Variants in PLEKHA4 observed in about 807,000 individuals in gnomAD.
PLEKHA4 encodes the protein pleckstrin homology domain-containing family A member 4.
In PLEKHA4, 73 loss-of-function variants were observed where a neutral mutation model predicts 94.7. The ratio of observed to expected loss-of-function variants is 0.77; its 90% CI spans 0.64 to 0.94. The LOEUF is 0.94. PLEKHA4 is among the 40% of genes least tolerant of loss of function. The pLI is 0.00. For synonymous variants in PLEKHA4, 449 were observed against 437.1 expected, an observed-to-expected ratio of 1.03 and a Z score of -0.34; for missense variants, 1,049 against 1,054.1, an observed-to-expected ratio of 1.00 and a Z score of 0.07.
chr19:48,866,948 C>A (rs1305403170), intron 2 of PLEKHA4, among the ~76,000 whole-genome samples: 3 of 152,174 alleles, frequency 2.0e-5, no homozygotes, highest in Non-Finnish European at 4.4e-5. Context: ...TCTCAGGCAT[C>A]CTTAGCCAGG....
chr19:48,854,280 A>C lies in PLEKHA4; in HGVS notation c.1048-16T>G. 1 of 1,613,198 alleles carries C rather than the reference A, an allele frequency of 6.2e-7. No homozygotes were observed. Among genetic ancestry groups the C allele is most frequent in the Non-Finnish European group, 8.5e-7 (1 of 1,179,134 alleles). The stretch of plus-strand genomic sequence containing the variant: ...GAGGACCCGGCTGAAGAGAAGGAAA[A>C]AAGTCAGGGGTCAAAGGGGACAGGC... On this transcript the variant is annotated splice_polypyrimidine_tract_variant and intron_variant, in intron 9 of 19. Coordinates refer to ENST00000263265, the MANE Select transcript of PLEKHA4 (RefSeq NM_020904.3).
intron 13 of PLEKHA4, among the ~76,000 whole-genome samples, chr19:48,849,881 G>A (rs2036113086): frequency 6.6e-6 from 1 of 151,810 alleles, no homozygotes; most frequent in Admixed American, 6.6e-5. Flanking sequence ...TTTAGAACCA[G>A]GGGAGAGAGC....
At chr19:48,860,276 C>A in intron 6 of PLEKHA4, 74 bp downstream of exon 6, 2 of 1,339,984 alleles carry the variant, frequency 1.5e-6, no homozygotes, top group South Asian at 2.4e-5. Flanking sequence ...GGCAGGGCCC[C>A]AAAGGGGAGG....
At chr19:48,843,970 T>C (rs2035862837) in intron 16 of PLEKHA4, among the ~76,000 whole-genome samples, 2 of 151,532 alleles carry the variant, frequency 1.3e-5, no homozygotes, top group Non-Finnish European at 2.9e-5. Flanking sequence ...AGCTAACTTT[T>C]TATTATTTTT....
intron 17 of PLEKHA4, among the ~76,000 whole-genome samples, 159 bp from the exon 18 acceptor site, chr19:48,839,422 T>G (rs537022045): frequency 6.6e-6 from 1 of 152,316 alleles, no homozygotes; most frequent in South Asian, 2.1e-4. Context: ...ACTGAATTTT[T>G]AAAAATTAAT....
At chr19:48,859,822 A>G in intron 6 of PLEKHA4, 138 bp from the exon 7 acceptor site, 1 of 809,480 alleles carries the variant, frequency 1.2e-6, no homozygotes, top group Non-Finnish European at 2.0e-6. Flanking sequence ...CTTCTTCAGA[A>G]GGGGAAACTG....
At chr19:48,841,391 C>A in intron 16 of PLEKHA4, 81 bp from the exon 17 acceptor site, 1 of 1,424,660 alleles carries the variant, frequency 7.0e-7, no homozygotes, top group Admixed American at 2.4e-5. Flanking sequence ...TTTTGGGAGG[C>A]TGAGTAGAGA....
At chr19:48,845,825 A>C (rs1385556393) in intron 14 of PLEKHA4, among the ~76,000 whole-genome samples, 1 of 151,338 alleles carries the variant, frequency 6.6e-6, no homozygotes, top group African/African-American at 2.4e-5. Flanking sequence ...GCTTAGTCCA[A>C]CGTAGTGAAA....
chr19:48,847,029 G>T (rs1415276090), intron 14 of PLEKHA4, among the ~76,000 whole-genome samples: 1 of 152,118 alleles, frequency 6.6e-6, no homozygotes, highest in Non-Finnish European at 1.5e-5. Flanking sequence ...TTACAGGTGT[G>T]CACCACTGTG....
chr19:48,842,121 C>T (rs2122904160), intron 16 of PLEKHA4, among the ~76,000 whole-genome samples: 1 of 151,598 alleles, frequency 6.6e-6, no homozygotes, highest in Middle Eastern at 3.4e-3. Flanking sequence ...CTGTATATTA[C>T]CCTATGTTGT....
chr19:48,859,291 G>T, intron 7 of PLEKHA4, 152 bp from the exon 8 acceptor site: 1 of 902,334 alleles, frequency 1.1e-6, no homozygotes, highest in Non-Finnish European at 1.7e-6. Flanking sequence ...CAAATCCTCA[G>T]TAATGTCCGC....
In PLEKHA4 at chr19:48,868,336, GTCTC is replaced by G. The variant is rs1455175744; in HGVS notation, c.-264_-261del. 1 of 150,530 alleles carries G rather than the reference GTCTC, an allele frequency of 6.6e-6. No individual in the cohort carries two copies. Among genetic ancestry groups the G allele is most frequent in the African/African-American group, 2.5e-5 (1 of 40,792 alleles). The allele number at this position is 150,530 out of a possible 1,614,324, so 9.3% of individuals were successfully genotyped here. On this transcript the variant is annotated 5_prime_UTR_variant, in exon 1 of 20. The change creates a premature stop within an existing upstream ORF in the 5' untranslated region. Transcript: ENST00000263265. ...CTCCCTCTGATCTCTGTCTCTTCCA[GTCTC>G]TCTCTCACTCATTCTCTCCCTCTCT...
Position 48,867,769 on chromosome 19 carries a change from CGTG to C in PLEKHA4, c.-6-146_-6-144del. 1 of 768,156 alleles carries C rather than the reference CGTG, an allele frequency of 1.3e-6. No individual in the cohort carries two copies. The highest frequency in any genetic ancestry group is 2.7e-5 in the East Asian group (1 of 37,098). 47.6% of individuals were successfully genotyped at this position (768,156 alleles called of 1,614,324 possible). A position where few individuals can be genotyped will look rare whatever the true frequency, so the allele number is the denominator to read the frequency against. ...TGGGGGGCTGGGGGAGGCCATGGCCCGTGACCACATACCAAGAGTGGTGCCAAG... is the reference window on the plus strand; with the variant it reads ...TGGGGGGCTGGGGGAGGCCATGGCCCACCACATACCAAGAGTGGTGCCAAG... On this transcript the variant is annotated intron_variant, in intron 1 of 19. Coordinates refer to ENST00000263265, the MANE Select transcript of PLEKHA4 (RefSeq NM_020904.3). The surrounding 1 kb of genome is among the most constrained non-coding windows in gnomAD (Gnocchi z 4.7).
chr19:48,842,113 G>C (rs901719251), intron 16 of PLEKHA4, among the ~76,000 whole-genome samples: 2 of 148,066 alleles, frequency 1.4e-5, no homozygotes, highest in African/African-American at 5.0e-5. Flanking sequence ...AGTGGCCACT[G>C]TATATTACCC....
chr19:48,850,276 C>T (rs1291011320), intron 13 of PLEKHA4, among the ~76,000 whole-genome samples: 7 of 151,974 alleles, frequency 4.6e-5, no homozygotes, highest in South Asian at 2.1e-4. Flanking sequence ...GAGGCCGAGG[C>T]GGGTGGATCA....
At chr19:48,839,162 A>T (rs549923005) in intron 18 of PLEKHA4, 43 bp downstream of exon 18, 22 of 1,454,740 alleles carry the variant, frequency 1.5e-5, no homozygotes, top group Admixed American at 6.6e-5. Flanking sequence ...GCTTTTGCAA[A>T]TTTTTTTTTC....
chr19:48,863,681 G>A (rs1372612584), intron 3 of PLEKHA4, among the ~76,000 whole-genome samples: 38 of 150,824 alleles, frequency 2.5e-4, no homozygotes, highest in Admixed American at 6.6e-4. Context: ...CTCATGATCC[G>A]CCCACCTTGG....
intron 3 of PLEKHA4, among the ~76,000 whole-genome samples, chr19:48,861,963 T>C (rs939714787): frequency 4.0e-5 from 6 of 151,104 alleles, no homozygotes; most frequent in African/African-American, 1.5e-4. Flanking sequence ...CCATCTCTAC[T>C]ACTAAAAAAA....
At position 48,861,519 on chromosome 19, in the gene PLEKHA4, G is replaced by A. The variant is rs780272958; in HGVS notation, c.266-18C>T. 4 of 1,613,566 alleles carry A rather than the reference G, an allele frequency of 2.5e-6. No homozygotes were observed. The Admixed American group carries it at 5.0e-5, about 20-fold the overall frequency. ...GCGGCTGTCTGCAAAGAGGGGCTGG[G>A]GTCAAGGATCACACAGGGATCAGAA... On this transcript the variant is annotated intron_variant, in intron 4 of 19. Transcript: ENST00000263265.
Sources: allele counts gnomAD v4.1 joint callset (sites outside exome capture counted in the v4.1 genomes callset), GRCh38; gene constraint gnomAD v4.1.1; non-coding constraint Gnocchi (gnomAD v3.1); transcripts MANE v1.5; gene names NCBI Gene and HGNC (gene_info 2026-07-23, HGNC 2026-07-21).